FAM13A: variants seen among roughly 807,000 people sequenced by gnomAD.
FAM13A encodes protein FAM13A.
In FAM13A, 76 loss-of-function variants were observed where a neutral mutation model predicts 129.6. The observed-to-expected ratio is 0.59, with a 90% CI of 0.49 to 0.71. The LOEUF is 0.71. FAM13A is among the 30% of genes least tolerant of loss of function. The probability of loss-of-function intolerance (pLI) is 0.00; values close to 1 mark genes in which losing one functional copy is unlikely to be tolerated. For synonymous variants in FAM13A, 443 were observed against 449.9 expected, an observed-to-expected ratio of 0.98 and a Z score of 0.20; for missense variants, 1,108 against 1,249.3, an observed-to-expected ratio of 0.89 and a Z score of 1.70.
chr4:88,816,611 G>A (rs1378497310), intron 7 of FAM13A, among the ~76,000 whole-genome samples: 1 of 152,056 alleles, frequency 6.6e-6, no homozygotes, highest in Non-Finnish European at 1.5e-5. Flanking sequence ...AGTTTCCTCT[G>A]CCAGTTAGCT....
chr4:89,026,582 G>GT, intron 2 of FAM13A, among the ~76,000 whole-genome samples: 1 of 152,330 alleles, frequency 6.6e-6, no homozygotes, highest in Admixed American at 6.5e-5. Flanking sequence ...AGAAGGCAAA[G>GT]GGAAAGCGAG....
At chr4:88,989,621 A>G (rs1228217119) in intron 4 of FAM13A, 1 of 152,174 alleles carries the variant, frequency 6.6e-6, no homozygotes, top group Admixed American at 6.5e-5. Flanking sequence ...AACAGGTTAA[A>G]TTGGTATATT....
At chr4:88,820,625 C>G (rs568879367) in intron 7 of FAM13A, among the ~76,000 whole-genome samples, 19 of 152,156 alleles carry the variant, frequency 1.2e-4, no homozygotes, top group Non-Finnish European at 2.4e-4. Context: ...CTGTCACTAG[C>G]TTTATAAGCG....
intron 6 of FAM13A, among the ~76,000 whole-genome samples, chr4:88,898,490 A>G (rs1343908105): frequency 6.6e-6 from 1 of 152,178 alleles, no homozygotes; most frequent in Non-Finnish European, 1.5e-5. Flanking sequence ...AAATCAAAGC[A>G]TAAGTTTTAT....
At chr4:88,856,252 G>C (rs1738474627) in intron 6 of FAM13A, among the ~76,000 whole-genome samples, 2 of 151,982 alleles carry the variant, frequency 1.3e-5, no homozygotes, top group South Asian at 4.1e-4. Flanking sequence ...GGCCAAGATG[G>C]GGGGATTGCT....
chr4:88,925,789 T>C (rs994469741), intron 5 of FAM13A, among the ~76,000 whole-genome samples: 1 of 152,006 alleles, frequency 6.6e-6, no homozygotes, highest in Non-Finnish European at 1.5e-5. Flanking sequence ...AAATTTACAA[T>C]GCAACGTGAG....
intron 8 of FAM13A, among the ~76,000 whole-genome samples, chr4:88,803,942 CCT>C (rs1303852240): frequency 6.6e-6 from 1 of 152,102 alleles, no homozygotes; most frequent in Non-Finnish European, 1.5e-5. Context: ...TATTGCATCC[CCT>C]GACATTTCTT....
At chr4:88,775,793 G>A (rs368406473) in intron 11 of FAM13A, among the ~76,000 whole-genome samples, 1 of 152,168 alleles carries the variant, frequency 6.6e-6, no homozygotes, top group East Asian at 1.9e-4. Context: ...GGCCATCAGA[G>A]CAGAGGGAGC....
rs545827354 is a variant in FAM13A, at chr4:88,809,859, C to T, written c.1008-4807G>A. Among the ~76,000 whole-genome samples the T allele has an allele frequency of 2.2e-3, 334 of 150,088 alleles. 2 individuals carry two copies. Among genetic ancestry groups the T allele is most frequent in the Non-Finnish European group, 3.9e-3 (266 of 67,574 alleles). Reference sequence around the variant, plus strand: ...TCAAGAACATTAAAAAAAAAAAAGTCCCGGTGGGCTTTTTTTTTTTTTCCT... The same window carrying T: ...TCAAGAACATTAAAAAAAAAAAAGTTCCGGTGGGCTTTTTTTTTTTTTCCT... On this transcript the variant is annotated intron_variant, in intron 7 of 23. Transcript: ENST00000264344.
At chr4:89,030,466 G>A (rs1373269639) in intron 1 of FAM13A, among the ~76,000 whole-genome samples, 1 of 152,112 alleles carries the variant, frequency 6.6e-6, no homozygotes, top group Non-Finnish European at 1.5e-5. Flanking sequence ...ACACTGAAAA[G>A]AGAGATGGCA....
At chr4:88,978,687 G>C (rs1015249902) in intron 4 of FAM13A, among the ~76,000 whole-genome samples, 2 of 152,096 alleles carry the variant, frequency 1.3e-5, no homozygotes, top group African/African-American at 4.8e-5. Flanking sequence ...CCAGCTGCTG[G>C]GGAGGCTGAG....
chr4:89,040,971 C>T (rs1770035932), intron 1 of FAM13A, among the ~76,000 whole-genome samples: 1 of 152,210 alleles, frequency 6.6e-6, no homozygotes, highest in South Asian at 2.1e-4. Context: ...TGCCCTTGAA[C>T]ATCAGACTTC....
intron 10 of FAM13A, among the ~76,000 whole-genome samples, chr4:88,783,342 C>T (rs536568073): frequency 2.0e-4 from 31 of 152,068 alleles, no homozygotes; most frequent in Non-Finnish European, 3.5e-4. Flanking sequence ...CTCTGTCGCC[C>T]AGGCTGGAGT....
chr4:88,957,509 C>T (rs1024275144), intron 4 of FAM13A, among the ~76,000 whole-genome samples: 6 of 152,112 alleles, frequency 3.9e-5, no homozygotes, highest in African/African-American at 9.7e-5. Context: ...TACCGAGTCT[C>T]GGATATTTCT....
intron 10 of FAM13A, among the ~76,000 whole-genome samples, chr4:88,782,781 G>A (rs1326058422): frequency 6.6e-6 from 1 of 152,104 alleles, no homozygotes; most frequent in Non-Finnish European, 1.5e-5. Context: ...GAAGATGATA[G>A]GGACTAAATG....
intron 1 of FAM13A, 132 bp from the exon 2 acceptor site, chr4:89,029,781 A>C: frequency 1.3e-6 from 1 of 752,480 alleles, no homozygotes; most frequent in Non-Finnish European, 2.2e-6. Flanking sequence ...CTTCAACTCA[A>C]ATCAAAATCT....
intron 5 of FAM13A, among the ~76,000 whole-genome samples, chr4:88,925,359 G>A (rs764260439): frequency 9.2e-5 from 14 of 152,076 alleles, no homozygotes; most frequent in Admixed American, 2.0e-4. Context: ...CATACACCAC[G>A]GAATACTATG....
chr4:88,938,949 A>G (rs1215977295), intron 4 of FAM13A, among the ~76,000 whole-genome samples: 1 of 152,228 alleles, frequency 6.6e-6, no homozygotes, highest in Non-Finnish European at 1.5e-5. Context: ...GACAAAAGAC[A>G]TGAGTTGGAA....
chr4:88,925,920 GA>G (rs1752072885), intron 5 of FAM13A, among the ~76,000 whole-genome samples: 1 of 152,104 alleles, frequency 6.6e-6, no homozygotes, highest in Non-Finnish European at 1.5e-5. Context: ...GGGCTTCGTG[GA>G]GGGGGTAGTA....
Sources: allele counts gnomAD v4.1 joint callset (sites outside exome capture counted in the v4.1 genomes callset), GRCh38; gene constraint gnomAD v4.1.1; transcripts MANE v1.5; gene names NCBI Gene and HGNC (gene_info 2026-07-23, HGNC 2026-07-21).